The following PTPRD variants were observed in gnomAD, a reference collection of about 807,000 sequenced individuals.
PTPRD encodes receptor-type tyrosine-protein phosphatase delta.
PTPRD carries 34 observed loss-of-function variants against 214.5 expected under a neutral mutation model. The observed-to-expected ratio is 0.16, with a 90% CI of 0.12 to 0.21. PTPRD has a LOEUF of 0.21. PTPRD is among the 10% of genes least tolerant of loss of function. The pLI is 1.00. For synonymous variants in PTPRD, 1,128 were observed against 845.7 expected (o/e 1.33, Z -5.79); for missense variants, 2,545 against 2,398.7 (o/e 1.06, Z -1.27).
At chr9:10,495,019 A>T (rs2041616390) in intron 2 of PTPRD, among the ~76,000 whole-genome samples, 2 of 151,798 alleles carry the variant, frequency 1.3e-5, no homozygotes, top group African/African-American at 4.8e-5. Context: ...GCTCAAGGTA[A>T]ATAATTGATC....
intron 11 of PTPRD, among the ~76,000 whole-genome samples, chr9:8,806,346 A>T (rs929095170): frequency 1.4e-4 from 21 of 152,138 alleles, no homozygotes; most frequent in African/African-American, 5.1e-4. Flanking sequence ...TAAAATGCTG[A>T]CATCACCAGT....
At chr9:8,757,671 CAT>C (rs760332094) in intron 11 of PTPRD, among the ~76,000 whole-genome samples, 27 of 136,146 alleles carry the variant, frequency 2.0e-4, no homozygotes, top group South Asian at 4.5e-4. Context: ...TATATACATA[CAT>C]ATATATATAT....
chr9:8,808,462 C>CTTTTTTTTTTT (rs34627797), intron 11 of PTPRD, among the ~76,000 whole-genome samples: 15 of 98,786 alleles, frequency 1.5e-4, no homozygotes, highest in African/African-American at 4.4e-4. Flanking sequence ...AGCCCCCCAC[C>CTTTTTTTTTTT]TTTTTTTTTT....
intron 2 of PTPRD, among the ~76,000 whole-genome samples, chr9:10,445,583 A>C (rs919867977): frequency 1.3e-5 from 2 of 152,112 alleles, no homozygotes; most frequent in Non-Finnish European, 2.9e-5. Flanking sequence ...TAGAAGAGAA[A>C]AGTTGAAGTA....
At chr9:9,418,866 C>G (rs2077770388) in intron 8 of PTPRD, among the ~76,000 whole-genome samples, 1 of 151,850 alleles carries the variant, frequency 6.6e-6, no homozygotes. Context: ...TTGCATGGAA[C>G]TTCAAAAGGA....
intron 3 of PTPRD, among the ~76,000 whole-genome samples, chr9:10,125,421 A>ATTTTTT (rs1203150288): frequency 8.2e-6 from 1 of 122,198 alleles, no homozygotes; most frequent in African/African-American, 3.0e-5. Flanking sequence ...ATTTTGTTTT[A>ATTTTTT]TTTTATTATT....
At chr9:9,009,976 T>A (rs1020405592) in intron 11 of PTPRD, among the ~76,000 whole-genome samples, 1 of 152,076 alleles carries the variant, frequency 6.6e-6, no homozygotes. Flanking sequence ...TCTTAGGCCT[T>A]CCCTTTAAAG....
chr9:10,065,196 G>GAAAGAAAGAAAGAAAGAAAAT (rs2097855969), intron 3 of PTPRD, among the ~76,000 whole-genome samples: 1 of 21,274 alleles, frequency 4.7e-5, no homozygotes, highest in Non-Finnish European at 1.0e-4. Flanking sequence ...AGAAAGAAAA[G>GAAAGAAAGAAAGAAAGAAAAT]GATGCTTTGC....
At chr9:8,571,486 G>A (rs573844137) in intron 14 of PTPRD, among the ~76,000 whole-genome samples, 65 of 152,202 alleles carry the variant, frequency 4.3e-4, no homozygotes, top group African/African-American at 1.5e-3. Flanking sequence ...CAATTTGGCT[G>A]ATAATATCTA....
chr9:9,320,074 A>G (rs1965668920), intron 9 of PTPRD, among the ~76,000 whole-genome samples: 1 of 152,196 alleles, frequency 6.6e-6, no homozygotes, highest in African/African-American at 2.4e-5. Context: ...TTTGTTTTAA[A>G]TGAATAATAA....
intron 9 of PTPRD, among the ~76,000 whole-genome samples, chr9:9,382,701 G>C (rs1021665950): frequency 6.6e-6 from 1 of 152,074 alleles, no homozygotes; most frequent in Non-Finnish European, 1.5e-5. Context: ...CACATTGTAG[G>C]TGGGAATGTA....
chr9:8,718,893 AT>A (rs1359898887), intron 12 of PTPRD, among the ~76,000 whole-genome samples: 1 of 152,162 alleles, frequency 6.6e-6, no homozygotes, highest in Non-Finnish European at 1.5e-5. Flanking sequence ...TGCTGGATCA[AT>A]GGTGTTTTCT....
chr9:10,016,392 GA>G (rs1567109640), intron 4 of PTPRD, among the ~76,000 whole-genome samples: 15 of 143,216 alleles, frequency 1.0e-4, no homozygotes, highest in Non-Finnish European at 1.5e-4. Context: ...TAGATAGATA[GA>G]TAGACAGATA....
intron 31 of PTPRD, among the ~76,000 whole-genome samples, chr9:8,469,150 C>G (rs953233805): frequency 4.6e-5 from 7 of 151,816 alleles, no homozygotes; most frequent in African/African-American, 1.5e-4. Context: ...TTAAAATGAC[C>G]CTTTGTTATG....
chr9:10,017,417 A>G (rs1192152135), intron 4 of PTPRD, among the ~76,000 whole-genome samples: 1 of 152,112 alleles, frequency 6.6e-6, no homozygotes, highest in Non-Finnish European at 1.5e-5. Flanking sequence ...TGTTTTATAA[A>G]CAGTTCTTAT....
intron 5 of PTPRD, among the ~76,000 whole-genome samples, chr9:9,925,365 G>A (rs143967507): frequency 3.3e-5 from 5 of 152,128 alleles, no homozygotes; most frequent in African/African-American, 1.2e-4. Context: ...AGTTTTTAAG[G>A]TAATATGTCA....
At chr9:10,594,148 G>A (rs1184869134) in intron 2 of PTPRD, among the ~76,000 whole-genome samples, 1 of 151,820 alleles carries the variant, frequency 6.6e-6, no homozygotes, top group African/African-American at 2.4e-5. Flanking sequence ...TGTAGAATAT[G>A]CCTAAACAAG....
chr9:10,564,171 C>CTTTTTTTTTTTT (rs71332760), intron 2 of PTPRD, among the ~76,000 whole-genome samples: 708 of 29,384 alleles, frequency 0.024, 231 homozygotes, highest in East Asian at 0.063. Flanking sequence ...CTAGGCTATT[C>CTTTTTTTTTTTT]TTTTTTTTTT....
chr9:10,563,925 T>C lies in PTPRD; in HGVS notation c.-600+48473A>G, dbSNP rs952324178. 2.0e-5 allele frequency among the ~76,000 whole-genome samples: 3 copies of C among 151,958 alleles called. No individual in the cohort carries two copies. In the East Asian group the frequency reaches 5.8e-4, roughly 29 times the overall value. ...GTAAATAAGATCTATAAAATTATGT[T>C]TGATAGAAAAGACATACTCTACAGC... On this transcript the variant is annotated intron_variant, in intron 2 of 45. Transcript: ENST00000381196.
Sources: gnomAD v4.1 joint callset for allele counts (sites outside exome capture counted in the v4.1 genomes callset) on GRCh38, gnomAD v4.1.1 for gene constraint, MANE v1.5 for transcripts, NCBI Gene and HGNC (gene_info 2026-07-23, HGNC 2026-07-21) for gene names.